KCNIP1: variants seen among roughly 807,000 people sequenced by gnomAD.
KCNIP1 encodes potassium voltage-gated channel interacting protein 1.
KCNIP1 carries 18 observed loss-of-function variants against 33.0 expected under a neutral mutation model. The observed-to-expected ratio is 0.55, with a 90% CI of 0.38 to 0.81. The LOEUF (loss-of-function observed/expected upper bound fraction) is 0.81. KCNIP1 is among the 30% of genes least tolerant of loss of function. The pLI is 0.00. For synonymous variants in KCNIP1, 93 were observed against 98.3 expected, an observed-to-expected ratio of 0.95 and a Z score of 0.32; for missense variants, 238 against 271.6, an observed-to-expected ratio of 0.88 and a Z score of 0.87.
intron 1 of KCNIP1, among the ~76,000 whole-genome samples, chr5:170,598,548 G>C (rs1663960057): frequency 1.3e-5 from 2 of 152,162 alleles, no homozygotes; most frequent in Non-Finnish European, 2.9e-5. Context: ...CCAGAAAAAA[G>C]CAAGTGGAAA....
At chr5:170,614,183 G>C (rs957411807) in intron 1 of KCNIP1, among the ~76,000 whole-genome samples, 1 of 152,176 alleles carries the variant, frequency 6.6e-6, no homozygotes. Flanking sequence ...AAATATTGCC[G>C]CAGCCAGGAG....
intron 7 of KCNIP1, among the ~76,000 whole-genome samples, chr5:170,734,193 T>C (rs1376692276): frequency 1.1e-5 from 1 of 94,354 alleles, no homozygotes; most frequent in African/African-American, 4.1e-5. Flanking sequence ...AACACCATTA[T>C]TTTTTAGCCT....
intron 1 of KCNIP1, among the ~76,000 whole-genome samples, chr5:170,488,548 C>T (rs1757142716): frequency 6.6e-6 from 1 of 152,236 alleles, no homozygotes; most frequent in African/African-American, 2.4e-5. Context: ...ATTTGTTCAT[C>T]TGCTCATCCA....
At chr5:170,684,425 G>A (rs1002507800) in intron 1 of KCNIP1, among the ~76,000 whole-genome samples, 20 of 152,234 alleles carry the variant, frequency 1.3e-4, no homozygotes, top group Middle Eastern at 3.4e-3. Context: ...GTGTTCTTTG[G>A]CTTGTGGCAG....
intron 1 of KCNIP1, among the ~76,000 whole-genome samples, chr5:170,437,871 G>A (rs1461233207): frequency 6.6e-6 from 1 of 152,176 alleles, no homozygotes; most frequent in Non-Finnish European, 1.5e-5. Flanking sequence ...GTGATCTCCT[G>A]GGCCATCAGC....
chr5:170,616,898 C>T (rs959634965), intron 1 of KCNIP1, among the ~76,000 whole-genome samples: 2 of 151,982 alleles, frequency 1.3e-5, no homozygotes, highest in African/African-American at 4.8e-5. Flanking sequence ...ATTCAGCCTT[C>T]CTGGATGTCC....
chr5:170,719,267 C>T (rs1581541292), intron 2 of KCNIP1, among the ~76,000 whole-genome samples: 1 of 151,902 alleles, frequency 6.6e-6, no homozygotes, highest in Admixed American at 6.6e-5. Context: ...ATGTGTAAGC[C>T]GAATGTCGGT....
intron 1 of KCNIP1, among the ~76,000 whole-genome samples, chr5:170,392,856 T>C (rs200481686): frequency 6.6e-6 from 1 of 152,256 alleles, no homozygotes; most frequent in East Asian, 1.9e-4. Flanking sequence ...AAGTGCTTTA[T>C]CTACTCTTAG....
At chr5:170,417,699 C>G (rs1054779094) in intron 1 of KCNIP1, among the ~76,000 whole-genome samples, 6 of 152,174 alleles carry the variant, frequency 3.9e-5, no homozygotes, top group Admixed American at 3.3e-4. Context: ...TAAATGCCCC[C>G]TGGTGTTTTC....
chr5:170,406,302 T>C (rs1755037420), intron 1 of KCNIP1, among the ~76,000 whole-genome samples: 1 of 152,080 alleles, frequency 6.6e-6, no homozygotes, highest in Admixed American at 6.5e-5. Flanking sequence ...AGCAAATAAA[T>C]GAAGAGTAAG....
intron 1 of KCNIP1, among the ~76,000 whole-genome samples, chr5:170,620,955 A>C (rs1759577318): frequency 6.6e-6 from 1 of 151,912 alleles, no homozygotes; most frequent in Non-Finnish European, 1.5e-5. Context: ...TCCTCCCTTT[A>C]CTGAGGGAGT....
At chr5:170,530,659 T>C (rs557241685) in intron 1 of KCNIP1, among the ~76,000 whole-genome samples, 3 of 152,352 alleles carry the variant, frequency 2.0e-5, no homozygotes, top group African/African-American at 7.2e-5. Flanking sequence ...TGAATCCTTT[T>C]TCCCCAAGGT....
intron 1 of KCNIP1, among the ~76,000 whole-genome samples, chr5:170,635,115 C>T (rs569907339): frequency 1.3e-5 from 2 of 152,302 alleles, no homozygotes; most frequent in South Asian, 4.1e-4. Flanking sequence ...CCGCAATCTC[C>T]GCCTTCCGGG....
chr5:170,430,801 G>A (rs1297587392), intron 1 of KCNIP1, among the ~76,000 whole-genome samples: 9 of 152,296 alleles, frequency 5.9e-5, no homozygotes, highest in Middle Eastern at 6.8e-3. Flanking sequence ...TAGCTGCAGC[G>A]TTGATTGTTG....
intron 2 of KCNIP1, among the ~76,000 whole-genome samples, chr5:170,719,992 C>T (rs760687121): frequency 3.5e-4 from 53 of 152,152 alleles, no homozygotes; most frequent in Non-Finnish European, 5.3e-4. Context: ...GTTATTGTTA[C>T]CCCCATTTTA....
Position 170,504,481 on chromosome 5 carries a change from C to T in KCNIP1, c.-92C>T. 2 of 1,591,084 alleles carry T rather than the reference C, an allele frequency of 1.3e-6. No homozygotes were observed. Among genetic ancestry groups the T allele is most frequent in the Admixed American group, 1.7e-5 (1 of 57,158 alleles). Reference sequence around the variant, plus strand: ...AGCTGCCGGGCGCTTTTCTCTCCTCCAATTCAGAGTAGACAAACCACGGGG... The same window carrying T: ...AGCTGCCGGGCGCTTTTCTCTCCTCTAATTCAGAGTAGACAAACCACGGGG... On this transcript the variant is annotated 5_prime_UTR_variant, in exon 1 of 8. Transcript: ENST00000328939. This position sits in a 1 kb window ranked among gnomAD's most constrained non-coding sequence, Gnocchi z 6.0.
intron 1 of KCNIP1, among the ~76,000 whole-genome samples, chr5:170,394,837 G>T (rs1203218026): frequency 6.6e-6 from 1 of 152,164 alleles, no homozygotes; most frequent in Non-Finnish European, 1.5e-5. Flanking sequence ...TTAGAAGTGA[G>T]AACATGTGAT....
intron 1 of KCNIP1, among the ~76,000 whole-genome samples, chr5:170,484,599 C>T (rs1757044536): frequency 6.6e-6 from 1 of 151,870 alleles, no homozygotes; most frequent in African/African-American, 2.4e-5. Flanking sequence ...TTCGTCTTTT[C>T]TTCCTCTTCT....
intron 1 of KCNIP1, among the ~76,000 whole-genome samples, chr5:170,706,299 T>C (rs1763254901): frequency 3.3e-5 from 5 of 152,218 alleles, no homozygotes; most frequent in Admixed American, 2.6e-4. Flanking sequence ...CAGTTAAACA[T>C]GTGCCAGCTA....
Sources: gnomAD v4.1 joint callset for allele counts (sites outside exome capture counted in the v4.1 genomes callset) on GRCh38, gnomAD v4.1.1 for gene constraint, Gnocchi (gnomAD v3.1) non-coding constraint, MANE v1.5 for transcripts, NCBI Gene and HGNC (gene_info 2026-07-23, HGNC 2026-07-21) for gene names.